The following HDAC9 variants were observed in gnomAD, a reference collection of about 807,000 sequenced individuals.
HDAC9 encodes the protein MEF-2 interacting transcription repressor (MITR) protein.
Under a neutral mutation model 139.4 loss-of-function variants are expected in HDAC9, and 41 were observed. The observed-to-expected ratio is 0.29, with a 90% CI of 0.23 to 0.38. The LOEUF (loss-of-function observed/expected upper bound fraction) is 0.38, where lower values mean the gene tolerates loss of function less well. Among genes scored for constraint, HDAC9 ranks in the 10% least tolerant of loss-of-function variants. HDAC9 has a pLI of 1.00. For synonymous variants in HDAC9, 517 were observed against 476.2 expected (o/e 1.09, Z -1.12); for missense variants, 1,147 against 1,297.0 (o/e 0.88, Z 1.78).
At chr7:18,553,051 G>T (rs1285601060) in intron 2 of HDAC9, among the ~76,000 whole-genome samples, 2 of 152,170 alleles carry the variant, frequency 1.3e-5, no homozygotes, top group Non-Finnish European at 2.9e-5. Context: ...TCTTTTGAAA[G>T]ATAATAGCTA....
At chr7:18,746,456 T>C (rs578249430) in intron 13 of HDAC9, among the ~76,000 whole-genome samples, 2 of 152,308 alleles carry the variant, frequency 1.3e-5, no homozygotes, top group East Asian at 1.9e-4. Flanking sequence ...TTGGACTTTA[T>C]AGAAAATGTA....
At position 18,153,005 on chromosome 7, in the gene HDAC9, C is replaced by T. The variant is rs185300501; in HGVS notation, c.-96-9224C>T. 1.8e-3 allele frequency among the ~76,000 whole-genome samples: 267 copies of T among 152,006 alleles called. 1 individual carries two copies. The highest frequency in any genetic ancestry group is 3.1e-3 in the Non-Finnish European group (208 of 67,978). On this transcript the variant is annotated intron_variant, in intron 1 of 12. Coordinates refer to the HDAC9 transcript ENST00000417496. ...TGGCTAGAAAAGAACCAGAGAGGGA[C>T]GGAATTGAAGTTAGTTGTAGGTATA...
chr7:18,441,569 T>C (rs1026010347), intron 1 of HDAC9, among the ~76,000 whole-genome samples: 1 of 152,246 alleles, frequency 6.6e-6, no homozygotes, highest in Non-Finnish European at 1.5e-5. Context: ...CACACATGCA[T>C]AATATAGATT....
At chr7:18,214,534 G>GA (rs1188329244) in intron 2 of HDAC9, among the ~76,000 whole-genome samples, 10 of 151,994 alleles carry the variant, frequency 6.6e-5, no homozygotes, top group African/African-American at 1.2e-4. Context: ...TACTGCTGGG[G>GA]AAAAAATCTC....
At chr7:18,724,372 C>T (rs1176510688) in intron 12 of HDAC9, among the ~76,000 whole-genome samples, 1 of 152,090 alleles carries the variant, frequency 6.6e-6, no homozygotes, top group Non-Finnish European at 1.5e-5. Flanking sequence ...ATACTGAATA[C>T]TGTAGGCAAT....
intron 1 of HDAC9, among the ~76,000 whole-genome samples, chr7:18,122,576 G>A (rs767038725): frequency 2.0e-5 from 3 of 152,066 alleles, no homozygotes; most frequent in South Asian, 2.1e-4. Context: ...TGGTTGACTC[G>A]AACACAGAAT....
chr7:18,581,091 C>T (rs1034236014), intron 2 of HDAC9, among the ~76,000 whole-genome samples: 5 of 152,046 alleles, frequency 3.3e-5, no homozygotes, highest in Non-Finnish European at 5.9e-5. Context: ...TCTAGCAGGC[C>T]AAAGATGACC....
chr7:18,507,200 T>TTATTATTATTATTAC (rs1800050743), intron 2 of HDAC9, among the ~76,000 whole-genome samples: 1 of 149,112 alleles, frequency 6.7e-6, no homozygotes, highest in East Asian at 1.9e-4. Flanking sequence ...ATTATTATTA[T>TTATTATTATTATTAC]TACTATTTGA....
intron 2 of HDAC9, among the ~76,000 whole-genome samples, chr7:18,236,925 C>G (rs1793860373): frequency 6.6e-6 from 1 of 152,168 alleles, no homozygotes; most frequent in South Asian, 2.1e-4. Context: ...ATGGTCTCAA[C>G]TAGTGCTACC....
chr7:18,174,983 C>T (rs1788766861), intron 2 of HDAC9, among the ~76,000 whole-genome samples: 1 of 152,216 alleles, frequency 6.6e-6, no homozygotes. Flanking sequence ...CTACTGCTCT[C>T]TTCAGGCCTG....
intron 1 of HDAC9, among the ~76,000 whole-genome samples, chr7:18,124,900 T>C (rs1454671535): frequency 1.3e-5 from 1 of 78,232 alleles, no homozygotes; most frequent in Non-Finnish European, 2.8e-5. Flanking sequence ...TTTCTTTTTC[T>C]TTTTTTTTTT....
At chr7:18,909,634 TTATC>T (rs1194819785) in intron 22 of HDAC9, among the ~76,000 whole-genome samples, 3 of 152,040 alleles carry the variant, frequency 2.0e-5, no homozygotes, top group African/African-American at 7.2e-5. Context: ...CCAGCACTAT[TTATC>T]TATTTTTTAA....
Position 18,732,653 on chromosome 7 carries a change from A to G in HDAC9, c.1909+4896A>G, listed in dbSNP as rs200610399. Reference sequence around the variant, plus strand: ...TGTATATGTGTGCATATGTGTATATATACACACACACGTGTATATGTGTGC... The same window carrying G: ...TGTATATGTGTGCATATGTGTATATGTACACACACACGTGTATATGTGTGC... On this transcript the variant is annotated intron_variant, in intron 13 of 25. Coordinates refer to ENST00000686413, the MANE Select transcript of HDAC9 (RefSeq NM_178425.4). Among the ~76,000 whole-genome samples, 6 of 100,104 alleles carry G rather than the reference A, an allele frequency of 6.0e-5. 1 individual carries two copies. Among genetic ancestry groups the G allele is most frequent in the South Asian group, 6.6e-4 (2 of 3,018 alleles). 65.7% of individuals were successfully genotyped at this position (100,104 alleles called of 152,430 possible).
At chr7:18,656,514 A>G (rs1791234603) in intron 11 of HDAC9, among the ~76,000 whole-genome samples, 1 of 152,140 alleles carries the variant, frequency 6.6e-6, no homozygotes, top group Admixed American at 6.6e-5. Context: ...TAGATTTTTC[A>G]AGAGAAGTTT....
At chr7:18,241,391 C>A (rs1477440017) in intron 2 of HDAC9, among the ~76,000 whole-genome samples, 1 of 151,992 alleles carries the variant, frequency 6.6e-6, no homozygotes, top group Non-Finnish European at 1.5e-5. Context: ...TTTTCTCTTT[C>A]CATTATTGGG....
intron 17 of HDAC9, among the ~76,000 whole-genome samples, chr7:18,810,752 A>C (rs1052494823): frequency 5.3e-5 from 8 of 152,008 alleles, no homozygotes; most frequent in Admixed American, 3.9e-4. Flanking sequence ...AGAACTTTAT[A>C]TAAATGGCAG....
At chr7:18,134,105 T>C (rs764037729) in intron 1 of HDAC9, among the ~76,000 whole-genome samples, 1 of 151,990 alleles carries the variant, frequency 6.6e-6, no homozygotes, top group Non-Finnish European at 1.5e-5. Flanking sequence ...GTGAATAACC[T>C]TGTAGAAGTT....
At chr7:18,738,509 T>A (rs1787137672) in intron 13 of HDAC9, among the ~76,000 whole-genome samples, 1 of 152,222 alleles carries the variant, frequency 6.6e-6, no homozygotes, top group Non-Finnish European at 1.5e-5. Flanking sequence ...TATTTCTCCT[T>A]CACTTATAAA....
intron 22 of HDAC9, among the ~76,000 whole-genome samples, chr7:18,922,052 G>C (rs1334432381): frequency 7.4e-6 from 1 of 134,254 alleles, no homozygotes; most frequent in Non-Finnish European, 1.6e-5. Flanking sequence ...CACAGGAAGG[G>C]GAACATCACA....
Sources: gnomAD v4.1 joint callset for allele counts (sites outside exome capture counted in the v4.1 genomes callset) on GRCh38, gnomAD v4.1.1 for gene constraint, MANE v1.5 for transcripts, NCBI Gene and HGNC (gene_info 2026-07-23, HGNC 2026-07-21) for gene names.